The following GRIA1 variants were observed in gnomAD, a reference collection of about 807,000 sequenced individuals.
The protein encoded by GRIA1 is glutamate receptor 1.
A neutral mutation model predicts 99.2 loss-of-function variants in GRIA1; 31 were observed. The observed-to-expected ratio is 0.31, with a 90% confidence interval of 0.23 to 0.42. GRIA1 has a LOEUF of 0.42. Among genes scored for constraint, GRIA1 ranks in the 10% least tolerant of loss-of-function variants. The probability of loss-of-function intolerance (pLI) is 1.00; values close to 1 mark genes in which losing one functional copy is unlikely to be tolerated. For synonymous variants in GRIA1, 438 were observed against 432.4 expected, an observed-to-expected ratio of 1.01 and a Z score of -0.16; for missense variants, 782 against 1,157.5, an observed-to-expected ratio of 0.68 and a Z score of 4.71.
rs555449749 is a variant in GRIA1 at position 153,723,410 on chromosome 5, G to A, written c.1823+17343G>A. 2.2e-4 allele frequency among the ~76,000 whole-genome samples: 34 copies of A among 152,324 alleles called. No homozygotes were observed. In the South Asian group the frequency reaches 5.4e-3, roughly 24 times the overall value. ...GTGGGCGCAGGACAGTGGGTGCAGCGCACCATGCACGAGCTGAAGCAGGGC... is the reference window on the plus strand; with the variant it reads ...GTGGGCGCAGGACAGTGGGTGCAGCACACCATGCACGAGCTGAAGCAGGGC... On this transcript the variant is annotated intron_variant, in intron 11 of 15. Coordinates refer to ENST00000285900, the MANE Select transcript of GRIA1 (RefSeq NM_000827.4).
At chr5:153,642,099 A>G (rs1426333889) in intron 2 of GRIA1, among the ~76,000 whole-genome samples, 1 of 152,232 alleles carries the variant, frequency 6.6e-6, no homozygotes, top group Non-Finnish European at 1.5e-5. Flanking sequence ...TTATTTGCTT[A>G]TATTTCAATA....
At chr5:153,726,489 A>G (rs12654700) in intron 11 of GRIA1, among the ~76,000 whole-genome samples, 102,828 of 148,134 alleles carry the variant, frequency 0.69, 36,079 homozygotes, top group East Asian at 0.95. Flanking sequence ...TTGATAGACC[A>G]CTAGCAAGAC....
At chr5:153,644,220 C>T (rs577200257) in intron 2 of GRIA1, among the ~76,000 whole-genome samples, 1 of 152,144 alleles carries the variant, frequency 6.6e-6, no homozygotes, top group African/African-American at 2.4e-5. Flanking sequence ...GTAGAGAAAT[C>T]ATATTTATGG....
rs988992811 is a variant in GRIA1 at position 153,624,240 on chromosome 5, A to G, written c.221-22688A>G. Among the ~76,000 whole-genome samples the G allele has an allele frequency of 6.0e-4, 92 of 152,230 alleles. 1 individual carries two copies. The highest frequency in any genetic ancestry group is 2.9e-5 in the Non-Finnish European group (2 of 68,040). ...AGTCCCAAGGTCAGAGCTATTTGCC[A>G]TCTGAGCAATTGTCCCCAGGAAGAA... On this transcript the variant is annotated intron_variant, in intron 2 of 15. Transcript: ENST00000285900.
At chr5:153,638,502 G>A (rs543227289) in intron 2 of GRIA1, among the ~76,000 whole-genome samples, 10 of 152,228 alleles carry the variant, frequency 6.6e-5, no homozygotes, top group Admixed American at 4.6e-4. Flanking sequence ...GCTTAGTAAC[G>A]TGGATAGTTG....
upstream of GRIA1, chr5:153,489,920 G>A: frequency 2.2e-6 from 1 of 448,794 alleles, no homozygotes; most frequent in Non-Finnish European, 4.5e-6. Flanking sequence ...GAGAGAAGGG[G>A]GCCCATTTTA....
chr5:153,630,032 G>T (rs1341373617), intron 2 of GRIA1, among the ~76,000 whole-genome samples: 1 of 152,150 alleles, frequency 6.6e-6, no homozygotes, highest in Admixed American at 6.5e-5. Context: ...ACATACAGGG[G>T]TTTGAATTGT....
intron 2 of GRIA1, among the ~76,000 whole-genome samples, chr5:153,592,603 C>T (rs1455647188): frequency 6.6e-6 from 1 of 152,218 alleles, no homozygotes; most frequent in East Asian, 1.9e-4. Flanking sequence ...TCAACATTCT[C>T]TTCCCTCCTC....
At chr5:153,555,560 A>G (rs1197531222) in intron 2 of GRIA1, among the ~76,000 whole-genome samples, 2 of 152,022 alleles carry the variant, frequency 1.3e-5, no homozygotes, top group Non-Finnish European at 2.9e-5. Context: ...CCCCTTCCTT[A>G]TTCCACTAAG....
At chr5:153,753,710 A>AT (rs1433859062) in intron 11 of GRIA1, among the ~76,000 whole-genome samples, 29 of 151,886 alleles carry the variant, frequency 1.9e-4, no homozygotes, top group African/African-American at 6.3e-4. Context: ...AAAAAAAAAA[A>AT]AAATCCTCAA....
At chr5:153,608,809 C>A (rs552783824) in intron 2 of GRIA1, among the ~76,000 whole-genome samples, 1 of 151,818 alleles carries the variant, frequency 6.6e-6, no homozygotes, top group Non-Finnish European at 1.5e-5. Flanking sequence ...TTTTTTACTG[C>A]GTTCTGGACA....
intron 2 of GRIA1, among the ~76,000 whole-genome samples, chr5:153,551,539 G>C (rs1760142827): frequency 6.6e-6 from 1 of 152,278 alleles, no homozygotes; most frequent in Non-Finnish European, 1.5e-5. Context: ...TAATGGAAGA[G>C]AACAGATAGC....
intron 2 of GRIA1, among the ~76,000 whole-genome samples, chr5:153,534,061 T>C (rs1441563020): frequency 2.0e-5 from 3 of 152,226 alleles, no homozygotes; most frequent in African/African-American, 7.2e-5. Context: ...AGGAGTCCTC[T>C]CAGGGTTTTG....
intron 12 of GRIA1, among the ~76,000 whole-genome samples, chr5:153,769,885 C>G (rs1763758974): frequency 6.6e-6 from 1 of 151,922 alleles, no homozygotes; most frequent in African/African-American, 2.4e-5. Flanking sequence ...AGGCAGGGCC[C>G]CAGTTTCTTA....
intron 2 of GRIA1, among the ~76,000 whole-genome samples, chr5:153,552,112 A>G (rs1250956299): frequency 6.6e-6 from 1 of 152,054 alleles, no homozygotes; most frequent in African/African-American, 2.4e-5. Context: ...CTGGTGTTCT[A>G]TGGATTGCAT....
At chr5:153,503,413 G>T (rs922374026) in intron 2 of GRIA1, among the ~76,000 whole-genome samples, 6 of 152,208 alleles carry the variant, frequency 3.9e-5, no homozygotes, top group Non-Finnish European at 7.3e-5. Context: ...ACAGGCAAGT[G>T]CCATTATTTG....
chr5:153,562,653 T>C (rs910288699), intron 2 of GRIA1, among the ~76,000 whole-genome samples: 16 of 152,208 alleles, frequency 1.1e-4, no homozygotes, highest in African/African-American at 3.1e-4. Flanking sequence ...TGATGCTTGA[T>C]TACTTGATTT....
chr5:153,706,132 G>GTTTGTTTGTTTA (rs1554116517), intron 11 of GRIA1, 65 bp downstream of exon 11: 1 of 1,477,358 alleles, frequency 6.8e-7, no homozygotes, highest in Admixed American at 1.7e-5. Context: ...TTGTTTGTTT[G>GTTTGTTTGTTTA]TTTTTTAAAT....
intron 2 of GRIA1, among the ~76,000 whole-genome samples, chr5:153,558,684 A>C (rs1299345461): frequency 6.6e-6 from 1 of 152,210 alleles, no homozygotes; most frequent in Admixed American, 6.5e-5. Flanking sequence ...TTTATAATGA[A>C]GCTGTTATAA....
Sources: gnomAD v4.1 joint callset for allele counts (sites outside exome capture counted in the v4.1 genomes callset) on GRCh38, gnomAD v4.1.1 for gene constraint, MANE v1.5 for transcripts, NCBI Gene and HGNC (gene_info 2026-07-23, HGNC 2026-07-21) for gene names.